CDH13: variants seen among roughly 807,000 people sequenced by gnomAD.
CDH13 encodes cadherin-13.
Under a neutral mutation model 63.8 loss-of-function variants are expected in CDH13, and 24 were observed. That is an observed-to-expected ratio of 0.38 (90% CI 0.27 to 0.53). The LOEUF is 0.53. Ranked by LOEUF, CDH13 falls within the 20% of genes least tolerant of loss-of-function variation. CDH13 has a pLI of 0.85. For synonymous variants in CDH13, 503 were observed against 355.3 expected, an observed-to-expected ratio of 1.42 and a Z score of -4.67; for missense variants, 1,049 against 903.1, an observed-to-expected ratio of 1.16 and a Z score of -2.07.
At chr16:83,637,038 A>G (rs1433815398) in intron 8 of CDH13, among the ~76,000 whole-genome samples, 1 of 152,136 alleles carries the variant, frequency 6.6e-6, no homozygotes, top group Non-Finnish European at 1.5e-5. Flanking sequence ...TCATTTGTGA[A>G]TTGGCCATTC....
chr16:83,037,975 A>G (rs372007707), intron 3 of CDH13, among the ~76,000 whole-genome samples: 1 of 152,186 alleles, frequency 6.6e-6, no homozygotes, highest in African/African-American at 2.4e-5. Flanking sequence ...CTGAGGGCTA[A>G]GTGTATTCAC....
chr16:82,660,943 A>G (rs1189130412), intron 1 of CDH13, among the ~76,000 whole-genome samples: 6 of 152,214 alleles, frequency 3.9e-5, no homozygotes, highest in African/African-American at 1.4e-4. Flanking sequence ...ATCAAAAAAA[A>G]AAAACTATTA....
At chr16:83,538,063 A>T (rs2075228141) in intron 7 of CDH13, among the ~76,000 whole-genome samples, 1 of 152,204 alleles carries the variant, frequency 6.6e-6, no homozygotes. Context: ...TTCCTAAACA[A>T]GTTGAATATG....
At chr16:82,821,187 C>G (rs1338338587) in intron 1 of CDH13, among the ~76,000 whole-genome samples, 4 of 152,162 alleles carry the variant, frequency 2.6e-5, no homozygotes, top group Non-Finnish European at 5.9e-5. Flanking sequence ...GACATTTTCC[C>G]CACATCATTA....
chr16:83,284,402 A>T (rs759381576), intron 5 of CDH13, among the ~76,000 whole-genome samples: 125 of 152,346 alleles, frequency 8.2e-4, no homozygotes, highest in Non-Finnish European at 9.7e-4. Context: ...TTTCACAGGT[A>T]AAAGTAAAAT....
chr16:82,779,693 A>G (rs552253716), intron 1 of CDH13, among the ~76,000 whole-genome samples: 1 of 152,326 alleles, frequency 6.6e-6, no homozygotes, highest in African/African-American at 2.4e-5. Context: ...TTCCACCAGA[A>G]CCAGATTGTT....
chr16:83,402,940 A>G (rs1597937972), intron 6 of CDH13, among the ~76,000 whole-genome samples: 2 of 152,192 alleles, frequency 1.3e-5, no homozygotes, highest in Admixed American at 6.5e-5. Flanking sequence ...TTCTAATCCC[A>G]TCAATAACCA....
At chr16:83,215,377 C>T (rs1009356519) in intron 4 of CDH13, among the ~76,000 whole-genome samples, 2 of 151,928 alleles carry the variant, frequency 1.3e-5, no homozygotes, top group South Asian at 2.1e-4. Context: ...CCACGCCCGG[C>T]CCACATAGTT....
chr16:82,987,500 C>T (rs534031196), intron 2 of CDH13, among the ~76,000 whole-genome samples: 29 of 152,174 alleles, frequency 1.9e-4, no homozygotes, highest in Non-Finnish European at 3.5e-4. Flanking sequence ...CCTCAGCCTC[C>T]TCTGTAGCTG....
intron 5 of CDH13, among the ~76,000 whole-genome samples, chr16:83,265,616 AG>A (rs1907514877): frequency 6.6e-6 from 1 of 150,828 alleles, no homozygotes; most frequent in Non-Finnish European, 1.5e-5. Context: ...TCATTTTTAT[AG>A]TAATCTTTGT....
intron 1 of CDH13, among the ~76,000 whole-genome samples, chr16:82,653,968 A>G (rs28751987): frequency 0.35 from 53,218 of 151,762 alleles, 9,453 homozygotes; most frequent in African/African-American, 0.43. Context: ...GTACGGGGTT[A>G]CAGGGAGGGA....
chr16:83,368,263 A>G (rs1410146128), intron 6 of CDH13, among the ~76,000 whole-genome samples: 1 of 152,220 alleles, frequency 6.6e-6, no homozygotes, highest in African/African-American at 2.4e-5. Context: ...TCATAATTAT[A>G]CAAGTACATG....
chr16:83,572,504 C>T (rs527744813), intron 7 of CDH13, among the ~76,000 whole-genome samples: 1 of 152,292 alleles, frequency 6.6e-6, no homozygotes, highest in Admixed American at 6.5e-5. Flanking sequence ...ACCATCTCGT[C>T]TCACCTGGAT....
chr16:83,569,402 C>G (rs954797148), intron 7 of CDH13, among the ~76,000 whole-genome samples: 14 of 152,188 alleles, frequency 9.2e-5, no homozygotes, highest in African/African-American at 3.1e-4. Flanking sequence ...TAGTGTGTTC[C>G]CCTTCCTTGG....
chr16:83,140,482 G>A (rs930406859), intron 4 of CDH13, among the ~76,000 whole-genome samples: 10 of 151,816 alleles, frequency 6.6e-5, no homozygotes, highest in South Asian at 2.1e-4. Flanking sequence ...AGATGGAGTC[G>A]TGCTCTTCTT....
chr16:83,239,061 ACACT>A (rs1339283434), intron 5 of CDH13, among the ~76,000 whole-genome samples: 1 of 152,218 alleles, frequency 6.6e-6, no homozygotes, highest in East Asian at 1.9e-4. Flanking sequence ...TAAGAAGCTA[ACACT>A]CACTGTTGGT....
At chr16:82,967,270 T>G (rs1035095628) in intron 2 of CDH13, among the ~76,000 whole-genome samples, 2 of 152,064 alleles carry the variant, frequency 1.3e-5, no homozygotes, top group Non-Finnish European at 2.9e-5. Context: ...CCTCCACATT[T>G]TAGGTGATTC....
intron 11 of CDH13, among the ~76,000 whole-genome samples, chr16:83,770,841 T>A (rs1170839052): frequency 1.3e-5 from 2 of 152,118 alleles, no homozygotes; most frequent in Non-Finnish European, 2.9e-5. Flanking sequence ...CAGAAAGGTC[T>A]TTATGTCCTG....
intron 6 of CDH13, among the ~76,000 whole-genome samples, chr16:83,444,824 C>G (rs1031534771): frequency 5.9e-5 from 9 of 152,264 alleles, no homozygotes; most frequent in African/African-American, 1.9e-4. Flanking sequence ...TTGGTTTTGC[C>G]TGAAGGTATA....
Sources: gnomAD v4.1 joint callset for allele counts (sites outside exome capture counted in the v4.1 genomes callset) on GRCh38, gnomAD v4.1.1 for gene constraint, MANE v1.5 for transcripts, NCBI Gene and HGNC (gene_info 2026-07-23, HGNC 2026-07-21) for gene names.